CHN2: variants seen among roughly 807,000 people sequenced by gnomAD.
The protein encoded by CHN2 is beta-chimaerin.
CHN2 carries 35 observed loss-of-function variants against 56.3 expected under a neutral mutation model. The ratio of observed to expected loss-of-function variants is 0.62; its 90% CI spans 0.47 to 0.82. The LOEUF is 0.82. CHN2 is among the 40% of genes least tolerant of loss of function. The probability of loss-of-function intolerance (pLI) is 0.00; values close to 1 mark genes in which losing one functional copy is unlikely to be tolerated. For missense variants in CHN2, 491 were observed against 580.5 expected, an observed-to-expected ratio of 0.85 and a Z score of 1.58; for synonymous variants, 210 against 212.8, an observed-to-expected ratio of 0.99 and a Z score of 0.12.
At position 29,242,759 on chromosome 7, in the gene CHN2, G is replaced by GAAA. The variant is rs57273690; in HGVS notation, c.49+47793_49+47795dup. Among the ~76,000 whole-genome samples, 329 of 59,690 alleles carry GAAA rather than the reference G, an allele frequency of 5.5e-3. 47 individuals carry two copies. Among genetic ancestry groups the GAAA allele is most frequent in the Non-Finnish European group, 7.7e-3 (233 of 30,108 alleles). The allele number at this position is 59,690 out of a possible 152,430, so 39.2% of individuals were successfully genotyped here. On this transcript the variant is annotated intron_variant, in intron 1 of 12. Coordinates refer to ENST00000222792, the MANE Select transcript of CHN2 (RefSeq NM_004067.4). ...AATATACAGAACTGACTTTCCTTCT[G>GAAA]AAAAAAAAAAAAAAAAAAAAAAAAA...
chr7:29,334,124 T>C (rs977803320), intron 1 of CHN2, among the ~76,000 whole-genome samples: 3 of 147,708 alleles, frequency 2.0e-5, no homozygotes, highest in Non-Finnish European at 4.4e-5. Flanking sequence ...CGATCTCGGC[T>C]CACTGCAACC....
chr7:29,422,281 G>A (rs1463308839), intron 6 of CHN2, among the ~76,000 whole-genome samples: 1 of 152,118 alleles, frequency 6.6e-6, no homozygotes, highest in Non-Finnish European at 1.5e-5. Flanking sequence ...GCTTTAAGCA[G>A]CCCTTTGAGT....
chr7:29,186,022 G>C (rs1449633424), intron 2 of CHN2, among the ~76,000 whole-genome samples: 1 of 152,196 alleles, frequency 6.6e-6, no homozygotes, highest in Admixed American at 6.5e-5. Context: ...TATTGTTTGA[G>C]TAAGTTTAAG....
chr7:29,424,353 T>A (rs1046456080), intron 6 of CHN2, among the ~76,000 whole-genome samples: 12 of 152,186 alleles, frequency 7.9e-5, no homozygotes, highest in Non-Finnish European at 1.6e-4. Flanking sequence ...AGTTTTTTTT[T>A]AAATAGGAAT....
chr7:29,252,531 A>G (rs1226350625), intron 1 of CHN2, among the ~76,000 whole-genome samples: 2 of 145,858 alleles, frequency 1.4e-5, no homozygotes, highest in African/African-American at 5.0e-5. Context: ...TACTTGGTAC[A>G]TGCACAGTTG....
At chr7:29,308,752 A>T (rs1794359836) in intron 1 of CHN2, among the ~76,000 whole-genome samples, 2 of 152,200 alleles carry the variant, frequency 1.3e-5, no homozygotes, top group South Asian at 4.1e-4. Flanking sequence ...TTGGGTGGAT[A>T]ATAGCCCTGT....
intron 2 of CHN2, among the ~76,000 whole-genome samples, chr7:29,148,213 G>T (rs2128685646): frequency 6.6e-6 from 1 of 152,330 alleles, no homozygotes; most frequent in Admixed American, 6.5e-5. Context: ...TGTGGGCCCT[G>T]GACAAGGGCT....
chr7:29,448,555 T>C (rs1246547954), intron 6 of CHN2, among the ~76,000 whole-genome samples: 1 of 152,194 alleles, frequency 6.6e-6, no homozygotes, highest in Non-Finnish European at 1.5e-5. Context: ...ATACATCCTG[T>C]AAGATCCCGC....
rs5883217 is a variant in CHN2 at position 29,494,950 on chromosome 7, T to TAAAAAAAAAAAAAAAAAAAAA, written c.655-991_655-971dup. Among the ~76,000 whole-genome samples, 16 of 64,656 alleles carry TAAAAAAAAAAAAAAAAAAAAA rather than the reference T, an allele frequency of 2.5e-4. 2 individuals are homozygous for TAAAAAAAAAAAAAAAAAAAAA. Among genetic ancestry groups the TAAAAAAAAAAAAAAAAAAAAA allele is most frequent in the Non-Finnish European group, 4.2e-4 (15 of 35,348 alleles). 42.4% of individuals were successfully genotyped at this position (64,656 alleles called of 152,430 possible). On this transcript the variant is annotated intron_variant, in intron 7 of 12. Transcript: ENST00000222792. Reference sequence around the variant, plus strand: ...TTTTTTGTTAAATAAAAGCAGTTTGTAAAAAAAAAAAAAAAAAAAAAAAAA... The same window carrying TAAAAAAAAAAAAAAAAAAAAA: ...TTTTTTGTTAAATAAAAGCAGTTTGTAAAAAAAAAAAAAAAAAAAAAAAAAAAAAAAAAAAAAAAAAAAAAA...
chr7:29,376,898 C>T (rs910819073), intron 3 of CHN2, among the ~76,000 whole-genome samples: 1 of 152,090 alleles, frequency 6.6e-6, no homozygotes, highest in Non-Finnish European at 1.5e-5. Context: ...AGGGTGGGGT[C>T]AGTACTTGAT....
chr7:29,427,416 A>G (rs971611653), intron 6 of CHN2, among the ~76,000 whole-genome samples: 1 of 152,176 alleles, frequency 6.6e-6, no homozygotes, highest in Non-Finnish European at 1.5e-5. Flanking sequence ...ACCGTATAAC[A>G]TAATCATGTA....
intron 1 of CHN2, among the ~76,000 whole-genome samples, chr7:29,350,126 G>A (rs1408096706): frequency 6.6e-6 from 1 of 152,082 alleles, no homozygotes; most frequent in African/African-American, 2.4e-5. Context: ...AATTTGGGGG[G>A]ACTGCCTGGC....
At position 29,424,088 on chromosome 7, in the gene CHN2, T is replaced by C. The variant is rs368407457; in HGVS notation, c.576+23260T>C. Among the ~76,000 whole-genome samples, 8 of 152,348 alleles carry C rather than the reference T, an allele frequency of 5.3e-5. No homozygotes were observed. In the South Asian group the frequency reaches 8.3e-4, roughly 16 times the overall value. Reference sequence around the variant, plus strand: ...AACCCACTATAGTAGAGTTCCATTGTTTAGCACTGAAGTATTATTCAAAGT... The same window carrying C: ...AACCCACTATAGTAGAGTTCCATTGCTTAGCACTGAAGTATTATTCAAAGT... On this transcript the variant is annotated intron_variant, in intron 6 of 12. Coordinates refer to ENST00000222792, the MANE Select transcript of CHN2 (RefSeq NM_004067.4).
At chr7:29,263,817 G>T (rs1477129584) in intron 1 of CHN2, among the ~76,000 whole-genome samples, 2 of 151,366 alleles carry the variant, frequency 1.3e-5, no homozygotes, top group Non-Finnish European at 2.9e-5. Flanking sequence ...GAGGTGAGGG[G>T]CGTCTCTGAC....
At chr7:29,298,167 C>T (rs150929061) in intron 1 of CHN2, among the ~76,000 whole-genome samples, 4 of 152,312 alleles carry the variant, frequency 2.6e-5, no homozygotes, top group African/African-American at 9.6e-5. Context: ...TGTTAGTAGC[C>T]TTGGAGTTCC....
intron 6 of CHN2, chr7:29,401,279 A>G (rs1802186564): frequency 6.4e-6 from 1 of 156,136 alleles, no homozygotes; most frequent in Admixed American, 6.3e-5. Flanking sequence ...AAAAAAAAAA[A>G]AATCTTCTAG....
intron 6 of CHN2, chr7:29,401,104 A>G: frequency 3.0e-6 from 1 of 338,300 alleles, no homozygotes; most frequent in Non-Finnish European, 5.5e-6. Flanking sequence ...CCGTCTCTAC[A>G]AAAAATACAA....
Position 29,355,704 on chromosome 7 carries a change from C to G in CHN2, c.88+1041C>G, listed in dbSNP as rs1054315928. 2.0e-5 allele frequency among the ~76,000 whole-genome samples: 3 copies of G among 151,614 alleles called. No homozygotes were observed. In the East Asian group the frequency reaches 5.8e-4, roughly 29 times the overall value. ...GTTACCACTCCCCATCAAGAACCTG[C>G]CCTGTGCTGGCCACCGCACCAAGCA... is the stretch of plus-strand genomic sequence containing the variant. On this transcript the variant is annotated intron_variant, in intron 2 of 12. Transcript: ENST00000222792.
At chr7:29,179,672 A>G (rs189526354) in intron 2 of CHN2, among the ~76,000 whole-genome samples, 134 of 152,362 alleles carry the variant, frequency 8.8e-4, no homozygotes, top group African/African-American at 2.9e-3. Context: ...AAGTAGAGAA[A>G]CCATCAATAA....
Sources: allele counts gnomAD v4.1 joint callset (sites outside exome capture counted in the v4.1 genomes callset), GRCh38; gene constraint gnomAD v4.1.1; transcripts MANE v1.5; gene names NCBI Gene and HGNC (gene_info 2026-07-23, HGNC 2026-07-21).